Variants in IL12RB1 observed in about 807,000 individuals in gnomAD.
The protein encoded by IL12RB1 is interleukin-12 receptor subunit beta-1.
Under a neutral mutation model 94.4 loss-of-function variants are expected in IL12RB1, and 64 were observed. That is an observed-to-expected ratio of 0.68 (90% CI 0.55 to 0.83). The LOEUF (loss-of-function observed/expected upper bound fraction) is 0.83, where lower values mean the gene tolerates loss of function less well. Among genes scored for constraint, IL12RB1 ranks in the 40% least tolerant of loss-of-function variants. The probability of loss-of-function intolerance (pLI) is 0.00; values close to 1 mark genes in which losing one functional copy is unlikely to be tolerated. For synonymous variants in IL12RB1, 362 were observed against 355.5 expected, an observed-to-expected ratio of 1.02 and a Z score of -0.21; for missense variants, 814 against 855.6, an observed-to-expected ratio of 0.95 and a Z score of 0.61.
chr19:18,080,877 G>A lies in IL12RB1; in HGVS notation c.364C>T (p.Gln122Ter). 6.2e-7 allele frequency: 1 copy of A among 1,612,214 alleles called. No individual in the cohort carries two copies. The highest frequency in any genetic ancestry group is 8.5e-7 in the Non-Finnish European group (1 of 1,178,260). ...GTCACCTCAGGAGACTTCTCTGTCT[G>A]GTTCCTGGCCCAGGATTCCACCCAG... is the stretch of plus-strand genomic sequence containing the variant. ...TLWVESWARN[Q>*]TEKSPEVTLQ... is the part of the protein sequence containing the mutation. The change falls in exon 4 of 17, where the codon CAG (glutamine) becomes TAG (stop). Residue 122 changes from glutamine to a stop codon, truncating the protein, a stop_gained. Transcript: ENST00000593993. LOFTEE classifies it high-confidence loss of function.
chr19:18,065,901 T>G (rs887209085), intron 12 of IL12RB1, among the ~76,000 whole-genome samples: 5 of 151,720 alleles, frequency 3.3e-5, no homozygotes, highest in African/African-American at 1.2e-4. Context: ...TAACTGTGCA[T>G]GGTGGTGTGC....
chr19:18,086,876 G>A lies in IL12RB1; in HGVS notation c.-53C>T, dbSNP rs769260611. 32 of 1,586,874 alleles carry A rather than the reference G, an allele frequency of 2.0e-5. No individual in the cohort carries two copies. The highest frequency in any genetic ancestry group is 2.7e-5 in the Non-Finnish European group (31 of 1,166,070). ...AGGGGAGCCTCTCTGCCACCTGCGA[G>A]GTTCAGCCACCCCGTCCCCACTCCG... is the stretch of plus-strand genomic sequence containing the variant. On this transcript the variant is annotated 5_prime_UTR_variant, in exon 1 of 17. Transcript: ENST00000593993.
intron 16 of IL12RB1, 23 bp from the exon 17 acceptor site, chr19:18,059,636 T>C (rs1306434788): frequency 3.8e-6 from 3 of 780,648 alleles, no homozygotes; most frequent in Non-Finnish European, 7.2e-6. Context: ...ACAGTCATGG[T>C]TCCTTTCAGG....
chr19:18,066,780 A>C, intron 11 of IL12RB1, 83 bp from the exon 12 acceptor site: 1 of 1,112,512 alleles, frequency 9.0e-7, no homozygotes. Flanking sequence ...TAATCCCAGC[A>C]CTTTGGGAGG....
intron 1 of IL12RB1, among the ~76,000 whole-genome samples, chr19:18,086,176 T>C (rs936191243): frequency 1.3e-5 from 2 of 151,712 alleles, no homozygotes; most frequent in Non-Finnish European, 2.9e-5. Context: ...TGAGTTATGA[T>C]TAGGCCACTG....
At chr19:18,086,192 C>T (rs2036321118) in intron 1 of IL12RB1, among the ~76,000 whole-genome samples, 1 of 151,524 alleles carries the variant, frequency 6.6e-6, no homozygotes, top group East Asian at 1.9e-4. Context: ...CACTGCACTC[C>T]AGCCTGGGAC....
At chr19:18,066,124 C>T (rs2034563768) in intron 12 of IL12RB1, among the ~76,000 whole-genome samples, 1 of 149,078 alleles carries the variant, frequency 6.7e-6, no homozygotes, top group African/African-American at 2.5e-5. Flanking sequence ...TTTGTTTTTT[C>T]TGAGACAGAG....
At chr19:18,080,543 A>G (rs989032501) in intron 4 of IL12RB1, among the ~76,000 whole-genome samples, 1 of 152,150 alleles carries the variant, frequency 6.6e-6, no homozygotes, top group African/African-American at 2.4e-5. Context: ...GGCAAAATAC[A>G]TGATGTCGAG....
upstream of IL12RB1, chr19:18,086,959 GT>G: frequency 1.3e-6 from 2 of 1,538,362 alleles, no homozygotes; most frequent in Middle Eastern, 1.7e-4. Context: ...AAGAAAAAAA[GT>G]AAAGTGTCAC....
intron 1 of IL12RB1, among the ~76,000 whole-genome samples, chr19:18,098,463 TCA>T (rs1045548351): frequency 2.0e-5 from 3 of 152,126 alleles, no homozygotes; most frequent in African/African-American, 7.2e-5. Flanking sequence ...TCTCTGGGCC[TCA>T]GTTTTCCAAT....
upstream of IL12RB1, among the ~76,000 whole-genome samples, chr19:18,088,457 A>G (rs1239704137): frequency 1.3e-5 from 2 of 150,668 alleles, no homozygotes; most frequent in African/African-American, 4.9e-5. Context: ...TCAGCTACTC[A>G]GGAGGCTGAG....
intron 12 of IL12RB1, among the ~76,000 whole-genome samples, chr19:18,064,937 G>A (rs2034468495): frequency 6.6e-6 from 1 of 152,076 alleles, no homozygotes; most frequent in Non-Finnish European, 1.5e-5. Context: ...CATTACCATG[G>A]CAACACCCGG....
At chr19:18,077,108 T>A (rs540336261) in intron 5 of IL12RB1, among the ~76,000 whole-genome samples, 2 of 152,274 alleles carry the variant, frequency 1.3e-5, no homozygotes, top group South Asian at 4.1e-4. Context: ...CATGCCTGTA[T>A]TCCCAGCACT....
At chr19:18,069,519 T>C in intron 10 of IL12RB1, 27 bp downstream of exon 10, 1 of 1,578,890 alleles carries the variant, frequency 6.3e-7, no homozygotes. Context: ...AGAGGAGGGG[T>C]AGGCGCAGGC....
rs907069693 is a variant in IL12RB1 at position 18,092,289 on chromosome 19, G to A, written c.-229-1520C>T. ...GCAGATCACTTGAGGTCAGGAATTC[G>A]AGACTAGCCTGACCAACATGGAGAA... is the stretch of plus-strand genomic sequence containing the variant. On this transcript the variant is annotated intron_variant, in intron 1 of 4. Transcript: ENST00000594176. Among the ~76,000 whole-genome samples, 4 of 149,436 alleles carry A rather than the reference G, an allele frequency of 2.7e-5. No homozygotes were observed. In the Admixed American group the frequency reaches 2.7e-4, roughly 10 times the overall value.
intron 9 of IL12RB1, chr19:18,070,508 C>T (rs1437772238): frequency 3.0e-6 from 3 of 984,824 alleles, no homozygotes; most frequent in African/African-American, 1.7e-5. Context: ...CTCCCACTCC[C>T]TCCCGCCAGG....
intron 14 of IL12RB1, among the ~76,000 whole-genome samples, 178 bp downstream of exon 14, chr19:18,062,003 G>A (rs561223954): frequency 6.6e-6 from 1 of 152,358 alleles, no homozygotes; most frequent in South Asian, 2.1e-4. Flanking sequence ...CTCTGCAGAG[G>A]CAGTCACGGA....
chr19:18,079,889 T>TCC (rs1406859187), intron 4 of IL12RB1, among the ~76,000 whole-genome samples: 1 of 151,640 alleles, frequency 6.6e-6, no homozygotes, highest in Non-Finnish European at 1.5e-5. Context: ...AGAGCGAAAC[T>TCC]CCATCTCAAA....
Position 18,059,461 on chromosome 19 carries a change from G to T in IL12RB1, c.*147C>A. 1.5e-6 allele frequency: 1 copy of T among 681,496 alleles called. No homozygotes were observed. The allele number at this position is 681,496 out of a possible 1,614,324, so 42.2% of individuals were successfully genotyped here. ...TCATGGCAGCATCTAGGGTTCCCCC[G>T]CAGGATGGGTGGCAACAGGCACGGG... is the stretch of plus-strand genomic sequence containing the variant. On this transcript the variant is annotated 3_prime_UTR_variant, in exon 17 of 17. Transcript: ENST00000593993.
Sources: gnomAD v4.1 joint callset for allele counts (sites outside exome capture counted in the v4.1 genomes callset) on GRCh38, gnomAD v4.1.1 for gene constraint, MANE v1.5 for transcripts, NCBI Gene and HGNC (gene_info 2026-07-23, HGNC 2026-07-21) for gene names.